Variants in RARB observed in about 807,000 individuals in gnomAD.
RARB encodes HBV-activated protein.
A neutral mutation model predicts 51.9 loss-of-function variants in RARB; 17 were observed. That is an observed-to-expected ratio of 0.33 (90% CI 0.22 to 0.49). RARB has a LOEUF of 0.49. RARB is among the 20% of genes least tolerant of loss of function. The pLI is 0.99. For synonymous variants in RARB, 215 were observed against 195.4 expected (o/e 1.10, Z -0.84); for missense variants, 369 against 550.8 (o/e 0.67, Z 3.30).
At chr3:24,883,618 C>A (rs1030900624) in intron 2 of RARB, among the ~76,000 whole-genome samples, 6 of 152,116 alleles carry the variant, frequency 3.9e-5, no homozygotes, top group African/African-American at 1.4e-4. Context: ...TTCAATAATT[C>A]ATCTATGAAG....
intron 5 of RARB, among the ~76,000 whole-genome samples, chr3:25,269,009 A>G (rs1300774526): frequency 6.6e-6 from 1 of 152,216 alleles, no homozygotes; most frequent in Non-Finnish European, 1.5e-5. Flanking sequence ...CAATAAATGG[A>G]TAAAGTATAA....
intron 2 of RARB, among the ~76,000 whole-genome samples, chr3:24,972,928 G>A (rs1443482086): frequency 6.6e-6 from 1 of 151,832 alleles, no homozygotes; most frequent in African/African-American, 2.4e-5. Flanking sequence ...TCAATATGTT[G>A]TCTCTTCAAT....
At chr3:25,120,028 A>C (rs1699754340) in intron 3 of RARB, among the ~76,000 whole-genome samples, 1 of 152,152 alleles carries the variant, frequency 6.6e-6, no homozygotes, top group South Asian at 2.1e-4. Flanking sequence ...AAAATCATCC[A>C]TCACAGGAAT....
At chr3:25,263,641 A>G (rs372049440) in intron 5 of RARB, among the ~76,000 whole-genome samples, 98 of 152,254 alleles carry the variant, frequency 6.4e-4, no homozygotes, top group African/African-American at 2.2e-3. Flanking sequence ...TGAGCCATGT[A>G]TTGTCTTTCA....
chr3:25,100,317 A>T (rs1321583228), intron 3 of RARB, among the ~76,000 whole-genome samples: 3 of 152,220 alleles, frequency 2.0e-5, no homozygotes, highest in Non-Finnish European at 2.9e-5. Flanking sequence ...CAGAGGAACA[A>T]ATCCAGGTGC....
At chr3:24,985,355 T>G (rs867832974) in intron 2 of RARB, among the ~76,000 whole-genome samples, 5 of 151,838 alleles carry the variant, frequency 3.3e-5, no homozygotes, top group South Asian at 2.1e-4. Flanking sequence ...TTTTGTTTTT[T>G]TTTTTTTTTG....
At chr3:25,502,436 G>A (rs1211938242) in intron 3 of RARB, among the ~76,000 whole-genome samples, 1 of 152,142 alleles carries the variant, frequency 6.6e-6, no homozygotes, top group Non-Finnish European at 1.5e-5. Context: ...CCTCTGCTGG[G>A]AGCTATTGCT....
At chr3:25,391,723 C>A (rs1706965585) in intron 5 of RARB, among the ~76,000 whole-genome samples, 1 of 151,996 alleles carries the variant, frequency 6.6e-6, no homozygotes, top group African/African-American at 2.4e-5. Flanking sequence ...CCTTAGCCCA[C>A]TTTTTGATGG....
chr3:24,989,774 CTTTTTTTT>C (rs769275874), intron 2 of RARB, among the ~76,000 whole-genome samples: 3 of 29,528 alleles, frequency 1.0e-4, no homozygotes, highest in East Asian at 1.2e-3. Context: ...ATATGTTTTT[CTTTTTTTT>C]TTTTTTTTTT....
chr3:24,873,174 A>T (rs1192665321), intron 2 of RARB, among the ~76,000 whole-genome samples: 1 of 152,206 alleles, frequency 6.6e-6, no homozygotes, highest in Admixed American at 6.5e-5. Flanking sequence ...TCTACATTTG[A>T]TTTATTATGC....
chr3:25,176,390 T>TTCC (rs1700753460), intron 5 of RARB, among the ~76,000 whole-genome samples: 3 of 115,262 alleles, frequency 2.6e-5, no homozygotes, highest in Admixed American at 9.5e-5. Flanking sequence ...TCCTTCCTTA[T>TTCC]TTATTTATTT....
intron 4 of RARB, among the ~76,000 whole-genome samples, chr3:25,167,652 C>A (rs1700580893): frequency 6.6e-6 from 1 of 152,188 alleles, no homozygotes; most frequent in South Asian, 2.1e-4. Context: ...TTATTGTAAC[C>A]CATCCCTGGT....
At chr3:24,869,291 AT>A (rs2125347920) in intron 2 of RARB, among the ~76,000 whole-genome samples, 1 of 152,254 alleles carries the variant, frequency 6.6e-6, no homozygotes, top group South Asian at 2.1e-4. Flanking sequence ...TGTGTATAAT[AT>A]TTTGATGTAT....
chr3:25,219,686 G>T (rs892246027), intron 5 of RARB, among the ~76,000 whole-genome samples: 6 of 152,210 alleles, frequency 3.9e-5, no homozygotes, highest in African/African-American at 1.4e-4. Context: ...TGTGCTCACT[G>T]TTGTGCTATT....
chr3:24,955,433 TA>T (rs1169372695), intron 2 of RARB, among the ~76,000 whole-genome samples: 1 of 152,176 alleles, frequency 6.6e-6, no homozygotes, highest in Non-Finnish European at 1.5e-5. Context: ...TGTTCCCATT[TA>T]GGGCTGTGGT....
At chr3:25,139,360 A>T (rs1700076844) in intron 4 of RARB, among the ~76,000 whole-genome samples, 1 of 152,166 alleles carries the variant, frequency 6.6e-6, no homozygotes, top group Non-Finnish European at 1.5e-5. Context: ...TAAAAGTGCT[A>T]CTCCAGTGAG....
chr3:24,955,273 C>T (rs1162567514), intron 2 of RARB, among the ~76,000 whole-genome samples: 1 of 152,194 alleles, frequency 6.6e-6, no homozygotes, highest in Non-Finnish European at 1.5e-5. Flanking sequence ...TAAGCTGCGT[C>T]TGTCTGTAGT....
intron 5 of RARB, among the ~76,000 whole-genome samples, chr3:25,411,853 AG>A (rs1225602698): frequency 1.3e-5 from 2 of 152,222 alleles, no homozygotes; most frequent in African/African-American, 2.4e-5. Flanking sequence ...CAAAAGATGC[AG>A]GGACAACTTT....
chr3:25,031,124 A>G (rs1697865165), intron 2 of RARB, among the ~76,000 whole-genome samples: 1 of 152,158 alleles, frequency 6.6e-6, no homozygotes. Context: ...CCCGGCCTCA[A>G]CTCACTAGGT....
Sources: gnomAD v4.1 joint callset for allele counts (sites outside exome capture counted in the v4.1 genomes callset) on GRCh38, gnomAD v4.1.1 for gene constraint, MANE v1.5 for transcripts, NCBI Gene and HGNC (gene_info 2026-07-23, HGNC 2026-07-21) for gene names.